The following LAMA3 variants were observed in gnomAD, a reference collection of about 807,000 sequenced individuals.
The protein encoded by LAMA3 is laminin subunit alpha-3.
In LAMA3, 281 loss-of-function variants were observed where a neutral mutation model predicts 402.0. The ratio of observed to expected loss-of-function variants is 0.70; its 90% confidence interval spans 0.63 to 0.77. The LOEUF (loss-of-function observed/expected upper bound fraction) is 0.77. Among genes scored for constraint, LAMA3 ranks in the 30% least tolerant of loss-of-function variants. LAMA3 has a pLI of 0.00. For synonymous variants in LAMA3, 1,431 were observed against 1,558.4 expected (o/e 0.92, Z 1.93); for missense variants, 3,840 against 4,215.5 (o/e 0.91, Z 2.47).
intron 51 of LAMA3, 149 bp downstream of exon 51, chr18:23,904,843 T>A: frequency 2.5e-6 from 2 of 798,964 alleles, no homozygotes; most frequent in Non-Finnish European, 4.0e-6. Flanking sequence ...TAGATATGGG[T>A]AATTTCTGTA....
intron 2 of LAMA3, among the ~76,000 whole-genome samples, chr18:23,718,622 G>A (rs182012806): frequency 2.6e-5 from 4 of 152,296 alleles, no homozygotes; most frequent in Admixed American, 6.5e-5. Context: ...GCAGGGCTGC[G>A]GGGGAGTGAG....
intron 32 of LAMA3, 79 bp from the exon 33 acceptor site, chr18:23,857,765 G>T (rs2064117511): frequency 3.8e-6 from 6 of 1,576,176 alleles, no homozygotes; most frequent in Admixed American, 3.3e-5. Flanking sequence ...ACACCAATTA[G>T]TCCACTATAG....
chr18:23,845,329 A>T (rs1411116065), intron 30 of LAMA3, among the ~76,000 whole-genome samples: 2 of 152,224 alleles, frequency 1.3e-5, no homozygotes, highest in Non-Finnish European at 2.9e-5. Flanking sequence ...CCTGGGAAAG[A>T]TGACTGTCCT....
At chr18:23,755,008 A>G (rs1429950334) in intron 6 of LAMA3, among the ~76,000 whole-genome samples, 1 of 152,174 alleles carries the variant, frequency 6.6e-6, no homozygotes, top group Non-Finnish European at 1.5e-5. Flanking sequence ...TCCCCCTTCA[A>G]GGATTCGGCA....
intron 37 of LAMA3, 152 bp downstream of exon 37, chr18:23,868,069 A>C (rs567664419): frequency 1.5e-6 from 1 of 649,562 alleles, no homozygotes; most frequent in African/African-American, 1.8e-5. Context: ...CCTTAATCTG[A>C]AAATCCAAAA....
intron 12 of LAMA3, among the ~76,000 whole-genome samples, chr18:23,797,229 G>A (rs1390917646): frequency 6.6e-6 from 1 of 152,034 alleles, no homozygotes; most frequent in Admixed American, 6.5e-5. Context: ...TTTTGTCTGT[G>A]ATGGCCTTCC....
chr18:23,924,834 T>C (rs2048583740), intron 62 of LAMA3, among the ~76,000 whole-genome samples: 2 of 152,198 alleles, frequency 1.3e-5, no homozygotes, highest in African/African-American at 4.8e-5. Flanking sequence ...TAAGCCACCA[T>C]GCACAGCCTA....
intron 31 of LAMA3, 30 bp downstream of exon 31, chr18:23,846,538 C>T (rs1311467524): frequency 1.1e-5 from 18 of 1,579,006 alleles, no homozygotes; most frequent in Non-Finnish European, 1.5e-5. Context: ...CACCCAAGTT[C>T]TGCTCTGGTC....
chr18:23,954,794 G>A lies in LAMA3; in HGVS notation c.*146G>A. 4 of 815,594 alleles carry A rather than the reference G, an allele frequency of 4.9e-6. No individual in the cohort carries two copies. The highest frequency in any genetic ancestry group is 8.3e-6 in the Non-Finnish European group (4 of 479,602). The allele number at this position is 815,594 out of a possible 1,614,324, so 50.5% of individuals were successfully genotyped here. A position where few individuals can be genotyped will look rare whatever the true frequency, so the allele number is the denominator to read the frequency against. On this transcript the variant is annotated 3_prime_UTR_variant, in exon 75 of 75. Coordinates refer to ENST00000313654, the MANE Select transcript of LAMA3 (RefSeq NM_198129.4). ...AATCTAATTTTGAATTCTGACCATGGATACCCATCACTTTGGCATTCAGTG... is the reference window on the plus strand; with the variant it reads ...AATCTAATTTTGAATTCTGACCATGAATACCCATCACTTTGGCATTCAGTG...
At chr18:23,914,959 T>A in intron 58 of LAMA3, 99 bp downstream of exon 58, 1 of 1,012,456 alleles carries the variant, frequency 9.9e-7, no homozygotes, top group Non-Finnish European at 1.5e-6. Context: ...ATAAAATGGA[T>A]TTAACCGCAC....
At position 23,889,711 on chromosome 18, in the gene LAMA3, AGGAAGG is replaced by A. The variant is rs1568303745; in HGVS notation, c.5304-299_5304-294del. ...AAGGAAGGAAGGGAGGGAGGAAGGG[AGGAAGG>A]AAGGAAGAAAGGAAGGAAAGGAAGG... is the stretch of plus-strand genomic sequence containing the variant. On this transcript the variant is annotated intron_variant, in intron 41 of 74. Transcript: ENST00000313654. Among the ~76,000 whole-genome samples, 5 of 135,920 alleles carry A rather than the reference AGGAAGG, an allele frequency of 3.7e-5. No homozygotes were observed. In the Admixed American group the frequency reaches 3.8e-4, roughly 10 times the overall value. 89.2% of individuals were successfully genotyped at this position (135,920 alleles called of 152,430 possible).
chr18:23,904,144 C>CTCAGGACAAG, intron 50 of LAMA3, 57 bp downstream of exon 50: 1 of 1,601,736 alleles, frequency 6.2e-7, no homozygotes, highest in Non-Finnish European at 8.5e-7. Flanking sequence ...AGCAGCTTGT[C>CTCAGGACAAG]CTGAGACAAG....
intron 38 of LAMA3, among the ~76,000 whole-genome samples, chr18:23,873,892 G>A (rs1476870179): frequency 6.6e-6 from 1 of 152,162 alleles, no homozygotes; most frequent in East Asian, 1.9e-4. Context: ...TTGAAATAGT[G>A]CATTAGAACA....
rs751711806 is a variant in LAMA3 at position 23,713,898 on chromosome 18, A to C, written c.295-22A>C. On this transcript the variant is annotated intron_variant, in intron 1 of 74. Coordinates refer to ENST00000313654, the MANE Select transcript of LAMA3 (RefSeq NM_198129.4). ...AAAAATAAAAAACAAAAAACAAAAA[A>C]AACCCACTTTTTTTTTTTCAGGGCC... 6 of 1,605,460 alleles carry C rather than the reference A, an allele frequency of 3.7e-6. No individual in the cohort carries two copies. The African/African-American group carries it at 6.8e-5, about 18-fold the overall frequency.
At chr18:23,784,637 T>C (rs1426989354) in intron 12 of LAMA3, among the ~76,000 whole-genome samples, 1 of 152,026 alleles carries the variant, frequency 6.6e-6, no homozygotes, top group Non-Finnish European at 1.5e-5. Context: ...TCCTCCCCAC[T>C]TGTTTGTATC....
intron 10 of LAMA3, among the ~76,000 whole-genome samples, chr18:23,777,040 A>T (rs1038830891): frequency 1.3e-5 from 2 of 151,816 alleles, no homozygotes; most frequent in East Asian, 3.9e-4. Flanking sequence ...GGGTTTCTCT[A>T]TGTTGGTCAG....
At chr18:23,742,650 ATGTGTGTGTG>A (rs141466075) in intron 2 of LAMA3, among the ~76,000 whole-genome samples, 22 of 147,934 alleles carry the variant, frequency 1.5e-4, no homozygotes, top group Admixed American at 8.1e-4. Context: ...AGAATCAAAA[ATGTGTGTGTG>A]TGTGTGTGTG....
In LAMA3 at chr18:23,931,100, T is replaced by C. The variant is rs143149035; in HGVS notation, c.8475T>C (p.Ile2825=). The C allele has an allele frequency of 5.4e-5, 87 of 1,613,572 alleles. No homozygotes were observed. The highest frequency in any genetic ancestry group is 7.1e-5 in the Non-Finnish European group (84 of 1,179,570). The change falls in exon 65 of 75, where the codon ATT becomes ATC. Residue 2825 remains isoleucine, a synonymous_variant. Coordinates refer to ENST00000313654, the MANE Select transcript of LAMA3 (RefSeq NM_198129.4). ...NLQVTLEDGY[I]ELSTSDSGGP... ...AGGTCACTCTGGAAGATGGTTACAT[T>C]GAATTGAGCACCAGCGATAGCGGCG...
intron 1 of LAMA3, among the ~76,000 whole-genome samples, chr18:23,690,331 C>A (rs894153320): frequency 1.3e-5 from 2 of 152,204 alleles, no homozygotes; most frequent in African/African-American, 2.4e-5. Flanking sequence ...CTTGAGTCCT[C>A]GAGGGTTCAG....
Sources: gnomAD v4.1 joint callset for allele counts (sites outside exome capture counted in the v4.1 genomes callset) on GRCh38, gnomAD v4.1.1 for gene constraint, MANE v1.5 for transcripts, NCBI Gene and HGNC (gene_info 2026-07-23, HGNC 2026-07-21) for gene names.